Variants in DDB1 observed in about 807,000 individuals in gnomAD.
The protein encoded by DDB1 is DNA damage-binding protein 1.
Under a neutral mutation model 133.1 loss-of-function variants are expected in DDB1, and 18 were observed. That is an observed-to-expected ratio of 0.14 (90% confidence interval 0.09 to 0.20). The LOEUF is 0.20. DDB1 is among the 10% of genes least tolerant of loss of function. The pLI, the probability that DDB1 is intolerant of heterozygous loss-of-function variation, is 1.00. For missense variants in DDB1, 828 were observed against 1,459.2 expected (o/e 0.57, Z 7.05); for synonymous variants, 580 against 550.5 (o/e 1.05, Z -0.75).
rs776350982 is a variant in DDB1, at chr11:61,322,430, T to C, written c.1006-18A>G. On this transcript the variant is annotated intron_variant, in intron 8 of 26. Transcript: ENST00000301764. Reference sequence around the variant, plus strand: ...ACGTTGAGCTAATAAGAAAGAACAATGTTATGTTAGTCCTAGAACACCCTA... The same window carrying C: ...ACGTTGAGCTAATAAGAAAGAACAACGTTATGTTAGTCCTAGAACACCCTA... 1.3e-6 allele frequency: 2 copies of C among 1,594,090 alleles called. No homozygotes were observed. Among genetic ancestry groups the C allele is most frequent in the Middle Eastern group, 1.7e-4 (1 of 6,022 alleles).
At chr11:61,303,765 T>C (rs1256091803) in intron 22 of DDB1, 100 bp downstream of exon 22, 4 of 1,242,824 alleles carry the variant, frequency 3.2e-6, no homozygotes, top group Non-Finnish European at 4.5e-6. Context: ...AAAACATTTC[T>C]GCCCCTAATA....
intron 22 of DDB1, 169 bp from the exon 23 acceptor site, chr11:61,303,324 A>G: frequency 1.7e-6 from 1 of 600,262 alleles, no homozygotes. Flanking sequence ...CTCTCTGCCA[A>G]CGCAGCCCAT....
Position 61,329,511 on chromosome 11 carries a change from C to T in DDB1, c.401G>A (p.Arg134His), listed in dbSNP as rs746862900. The T allele has an allele frequency of 9.9e-6, 16 of 1,614,142 alleles. No individual in the cohort carries two copies. The highest frequency in any genetic ancestry group is 2.2e-5 in the East Asian group (1 of 44,892). The change falls in exon 4 of 27, where the codon CGT becomes CAT. Residue 134 changes from arginine to histidine, a missense_variant. This residue lies in a region of DDB1 where 210 missense variants were observed against 344.8 expected (regional missense o/e 0.61). Transcript: ENST00000301764. ...IDPECRMIGL[R>H]LYDGLFKVIP... ...AACCTTGAAAAGGCCATCATAGAGA[C>T]GCAGGCCAATCATCCGGCACTCAGG...
In DDB1 at chr11:61,303,123, A is replaced by G; in HGVS notation, c.2865T>C (p.Ser955=). ...IARDFNPNWM[S]AVEILDDDNF... The stretch of plus-strand genomic sequence containing the variant: ...TGTCATCATCCAAGATTTCCACAGC[A>G]CTCATCCAGTTGGGATTAAAGTCTC... Residue 955 remains serine (S), a synonymous_variant, in exon 23 of 27, where the codon AGT becomes AGC. Coordinates refer to ENST00000301764, the MANE Select transcript of DDB1 (RefSeq NM_001923.5). 2 of 1,614,184 alleles carry G rather than the reference A, an allele frequency of 1.2e-6. No individual in the cohort carries two copies. Among genetic ancestry groups the G allele is most frequent in the Non-Finnish European group, 1.7e-6 (2 of 1,180,042 alleles).
At chr11:61,330,423 A>C (rs1856347663) in intron 2 of DDB1, among the ~76,000 whole-genome samples, 1 of 22,096 alleles carries the variant, frequency 4.5e-5, no homozygotes, top group African/African-American at 5.2e-5. Context: ...CAAGTATTTG[A>C]AGAAAGAGGA....
In DDB1 at chr11:61,300,100, T is replaced by C. The variant is rs1229465042; in HGVS notation, c.*36A>G. On this transcript the variant is annotated 3_prime_UTR_variant, in exon 27 of 27. Transcript: ENST00000301764. ...GGGGGAGGGCAGCAGGGCAAAGCCT[T>C]TGGGGAGGGTCAGCAAAGGGGCCCC... 7 of 1,608,494 alleles carry C rather than the reference T, an allele frequency of 4.4e-6. No homozygotes were observed. The highest frequency in any genetic ancestry group is 6.0e-6 in the Non-Finnish European group (7 of 1,175,504).
rs59592773 is a variant in DDB1 at position 61,321,406 on chromosome 11, CTT to C, written c.1225+187_1225+188del. The C allele has an allele frequency of 1.3e-3, 424 of 325,104 alleles. 1 individual carries two copies. Among genetic ancestry groups the C allele is most frequent in the African/African-American group, 3.0e-3 (128 of 42,504 alleles). The allele number at this position is 325,104 out of a possible 1,614,324, so 20.1% of individuals were successfully genotyped here. A position where few individuals can be genotyped will look rare whatever the true frequency, so the allele number is the denominator to read the frequency against. The stretch of plus-strand genomic sequence containing the variant: ...TACCAATTTTGATCAGTAGTATTTT[CTT>C]TTTTTTTTTTTTCTAAAGTTTACTT... On this transcript the variant is annotated intron_variant, in intron 10 of 26. Transcript: ENST00000301764.
chr11:61,327,339 C>G (rs1856286840), intron 4 of DDB1, among the ~76,000 whole-genome samples: 1 of 151,798 alleles, frequency 6.6e-6, no homozygotes, highest in Non-Finnish European at 1.5e-5. Context: ...CATGGGGGCG[C>G]GTGCCTACAG....
intron 3 of DDB1, 37 bp downstream of exon 3, chr11:61,329,921 T>C (rs1236649908): frequency 1.3e-6 from 2 of 1,550,764 alleles, no homozygotes; most frequent in East Asian, 2.3e-5. Context: ...ACAGCCCTAC[T>C]TAGAAAACTT....
intron 10 of DDB1, among the ~76,000 whole-genome samples, chr11:61,319,147 G>C (rs1856136000): frequency 6.6e-6 from 1 of 152,142 alleles, no homozygotes; most frequent in Non-Finnish European, 1.5e-5. Flanking sequence ...TTGAGGCTAT[G>C]GTAAGCCGTG....
chr11:61,310,147 C>T (rs1855940486), intron 19 of DDB1, 148 bp downstream of exon 19: 1 of 1,362,950 alleles, frequency 7.3e-7, no homozygotes, highest in Non-Finnish European at 1.0e-6. Flanking sequence ...CCTCCAAACT[C>T]ACTGCCATCT....
chr11:61,311,700 G>C, intron 18 of DDB1, 84 bp downstream of exon 18: 1 of 1,260,770 alleles, frequency 7.9e-7, no homozygotes, highest in Non-Finnish European at 1.1e-6. Flanking sequence ...TGCCTGCAAA[G>C]CCGAAAGCCT....
chr11:61,302,983 A>C, intron 23 of DDB1, 63 bp downstream of exon 23: 1 of 1,470,484 alleles, frequency 6.8e-7, no homozygotes. Context: ...CAATGCTTGC[A>C]TCCACCAGAG....
chr11:61,302,267 C>T lies in DDB1; in HGVS notation c.3205G>A (p.Glu1069Lys), dbSNP rs1855809627. The T allele has an allele frequency of 6.2e-7, 1 of 1,614,022 alleles. No homozygotes were observed. The highest frequency in any genetic ancestry group is 8.5e-7 in the Non-Finnish European group (1 of 1,179,884). ...NKVIKSVGKI[E>K]HSFWRSFHTE... ...CTCTGGGAAGGATATAAGGAGTGCT[C>T]GATCTTCCCCACACTTTTGATGACT... Residue 1069 changes from glutamate (E) to lysine (K), a missense_variant, in exon 25 of 27, where the codon GAG (glutamate) becomes AAG (lysine). Physicochemically the swap from Glu to Lys is moderately conservative, Grantham distance 56. Transcript: ENST00000301764.
Position 61,332,952 on chromosome 11 carries a change from A to T in DDB1, c.17T>A (p.Val6Glu). The T allele has an allele frequency of 6.6e-7, 1 of 1,513,352 alleles. No individual in the cohort carries two copies. The allele number at this position is 1,513,352 out of a possible 1,614,324, so 93.7% of individuals were successfully genotyped here. A position where few individuals can be genotyped will look rare whatever the true frequency, so the allele number is the denominator to read the frequency against. The stretch of plus-strand genomic sequence containing the variant: ...GGCGGTGGGCTTCTGGGCCGTTACC[A>T]CGTAGTTGTACGACATGTCGAGGCT... MSYNYVVTAQKPTAVN... is the reference protein window; with the variant it reads MSYNYEVTAQKPTAVN... Residue 6 changes from valine (V) to glutamate (E), a missense_variant, in exon 1 of 27, where the codon GTG (valine) becomes GAG (glutamate). By Grantham distance (121) the Val-to-Glu change is moderately radical. This residue lies in a region of DDB1 where 210 missense variants were observed against 344.8 expected (regional missense o/e 0.61). Transcript: ENST00000301764.
chr11:61,323,152 T>C (rs1366327489), intron 7 of DDB1, 58 bp from the exon 8 acceptor site: 4 of 1,366,506 alleles, frequency 2.9e-6, no homozygotes, highest in African/African-American at 1.4e-5. Flanking sequence ...GGGATCCAGA[T>C]ACTACCCACA....
intron 26 of DDB1, 69 bp from the exon 27 acceptor site, chr11:61,300,288 G>A: frequency 1.3e-6 from 2 of 1,485,596 alleles, no homozygotes; most frequent in Non-Finnish European, 1.9e-6. Flanking sequence ...GGAAGGGAAT[G>A]CCCCCAGTGA....
Position 61,300,924 on chromosome 11 carries a change from G to T in DDB1, c.3224C>A (p.Ser1075Tyr). ...TTCTGTCTTCCGCTCGGTGTGAAAGGATCTCCAGGTGGATGGGTGAGTTAA... is the reference window on the plus strand; with the variant it reads ...TTCTGTCTTCCGCTCGGTGTGAAAGTATCTCCAGGTGGATGGGTGAGTTAA... ...VGKIEHSFWR[S>Y]FHTERKTEPA... Residue 1075 changes from serine to tyrosine, a missense_variant, in exon 26 of 27, where the codon TCC becomes TAC. Physicochemically the swap from Ser to Tyr is moderately radical, Grantham distance 144. Transcript: ENST00000301764. 1.2e-6 allele frequency: 2 copies of T among 1,614,126 alleles called. No individual in the cohort carries two copies. The highest frequency in any genetic ancestry group is 1.1e-5 in the South Asian group (1 of 91,076).
At chr11:61,310,495 C>T in intron 18 of DDB1, 77 bp from the exon 19 acceptor site, 1 of 1,462,330 alleles carries the variant, frequency 6.8e-7, no homozygotes. Context: ...AGGGACCCGT[C>T]AGATCAGGAC....
Sources: gnomAD v4.1 joint callset for allele counts (sites outside exome capture counted in the v4.1 genomes callset) on GRCh38, gnomAD v4.1.1 for gene constraint, gnomAD v4.1.1 regional missense constraint, MANE v1.5 for transcripts, NCBI Gene and HGNC (gene_info 2026-07-23, HGNC 2026-07-21) for gene names.